ZNF804A: variants seen among roughly 807,000 people sequenced by gnomAD.
The protein encoded by ZNF804A is zinc finger protein 804A.
A neutral mutation model predicts 16.5 loss-of-function variants in ZNF804A; 2 were observed. The ratio of observed to expected loss-of-function variants is 0.12; its 90% CI spans 0.05 to 0.38. The LOEUF is 0.38. Ranked by LOEUF, ZNF804A falls within the 10% of genes least tolerant of loss-of-function variation. ZNF804A has a pLI of 0.99. For missense variants in ZNF804A, 1,473 were observed against 1,390.7 expected (o/e 1.06, Z -0.94); for synonymous variants, 534 against 489.6 (o/e 1.09, Z -1.20).
intron 2 of ZNF804A, among the ~76,000 whole-genome samples, chr2:184,915,348 G>A (rs1012686823): frequency 6.6e-6 from 1 of 152,056 alleles, no homozygotes; most frequent in Non-Finnish European, 1.5e-5. Flanking sequence ...TAGCTGCAAG[G>A]TATATCTATA....
At chr2:184,798,262 T>C in intron 1 of ZNF804A, among the ~76,000 whole-genome samples, 1 of 151,912 alleles carries the variant, frequency 6.6e-6, no homozygotes, top group Non-Finnish European at 1.5e-5. Context: ...TCTTTGTGCT[T>C]TTTTTTATTT....
At chr2:184,702,795 G>A (rs534861130) in intron 1 of ZNF804A, among the ~76,000 whole-genome samples, 2 of 152,112 alleles carry the variant, frequency 1.3e-5, no homozygotes, top group African/African-American at 4.8e-5. Flanking sequence ...ATGGAGTCAC[G>A]TTTACATAGG....
chr2:184,933,553 C>T (rs1685738610), intron 2 of ZNF804A, 50 bp from the exon 3 acceptor site: 1 of 1,529,394 alleles, frequency 6.5e-7, no homozygotes, highest in Non-Finnish European at 8.7e-7. Context: ...AACTTTAAAA[C>T]TACTATAGAC....
intron 1 of ZNF804A, among the ~76,000 whole-genome samples, chr2:184,680,891 A>C (rs549511102): frequency 6.6e-6 from 1 of 152,322 alleles, no homozygotes; most frequent in Middle Eastern, 3.4e-3. Flanking sequence ...GGGGCTCTGC[A>C]GTTGCTGGCA....
chr2:184,641,331 T>C (rs1422293844), intron 1 of ZNF804A, among the ~76,000 whole-genome samples: 1 of 152,078 alleles, frequency 6.6e-6, no homozygotes, highest in African/African-American at 2.4e-5. Context: ...TCCCAAAACA[T>C]TATGCTGAAC....
intron 1 of ZNF804A, among the ~76,000 whole-genome samples, chr2:184,733,795 G>C (rs549604862): frequency 6.6e-6 from 1 of 152,128 alleles, no homozygotes; most frequent in South Asian, 2.1e-4. Context: ...TATCAAACTT[G>C]TGGACATAAA....
At chr2:184,919,382 A>G (rs1022067660) in intron 2 of ZNF804A, among the ~76,000 whole-genome samples, 2 of 152,132 alleles carry the variant, frequency 1.3e-5, no homozygotes, top group Non-Finnish European at 2.9e-5. Flanking sequence ...AGCCAGGTCA[A>G]CCTTGGTGAG....
At chr2:184,908,703 A>G (rs1386106145) in intron 2 of ZNF804A, among the ~76,000 whole-genome samples, 3 of 152,144 alleles carry the variant, frequency 2.0e-5, no homozygotes, top group Non-Finnish European at 2.9e-5. Context: ...TAAAAGATGA[A>G]ACAGTATATA....
intron 1 of ZNF804A, among the ~76,000 whole-genome samples, chr2:184,847,826 T>G (rs1188852203): frequency 6.6e-6 from 1 of 152,008 alleles, no homozygotes; most frequent in African/African-American, 2.4e-5. Context: ...TTTTCAAAAA[T>G]GACTCAGAGA....
At chr2:184,699,525 A>G (rs1692887009) in intron 1 of ZNF804A, among the ~76,000 whole-genome samples, 1 of 152,074 alleles carries the variant, frequency 6.6e-6, no homozygotes, top group Non-Finnish European at 1.5e-5. Context: ...TCAGGACTTG[A>G]GCCAGCTTTC....
intron 1 of ZNF804A, among the ~76,000 whole-genome samples, chr2:184,772,120 A>G (rs1159903785): frequency 6.6e-6 from 1 of 151,918 alleles, no homozygotes; most frequent in African/African-American, 2.4e-5. Context: ...ATAAACATAA[A>G]TATAAGATAC....
chr2:184,863,702 C>T (rs1695833674), intron 1 of ZNF804A, among the ~76,000 whole-genome samples: 1 of 152,112 alleles, frequency 6.6e-6, no homozygotes, highest in Non-Finnish European at 1.5e-5. Context: ...AGAGCTAATT[C>T]AGCTTTAATC....
chr2:184,779,133 T>G (rs1399060010), intron 1 of ZNF804A, among the ~76,000 whole-genome samples: 2 of 151,622 alleles, frequency 1.3e-5, no homozygotes, highest in Non-Finnish European at 2.9e-5. Flanking sequence ...AAAATACTCT[T>G]GTGGTTCTGA....
At chr2:184,915,835 T>C (rs189381538) in intron 2 of ZNF804A, among the ~76,000 whole-genome samples, 1 of 152,246 alleles carries the variant, frequency 6.6e-6, no homozygotes, top group East Asian at 1.9e-4. Flanking sequence ...AAAATCCAAA[T>C]GATACACATT....
chr2:184,664,253 G>A (rs942934246), intron 1 of ZNF804A, among the ~76,000 whole-genome samples: 1 of 151,996 alleles, frequency 6.6e-6, no homozygotes, highest in Non-Finnish European at 1.5e-5. Context: ...AAATAAATAA[G>A]CACTGGAACA....
rs77317976 is a variant in ZNF804A, at chr2:184,744,633, C to A, written c.112-121736C>A. Reference sequence around the variant, plus strand: ...GGAATTTCTTTGTTTTTTAAGCCACCCATTTTATAGTGTTTTGTTATAGCA... The same window carrying A: ...GGAATTTCTTTGTTTTTTAAGCCACACATTTTATAGTGTTTTGTTATAGCA... On this transcript the variant is annotated intron_variant, in intron 1 of 3. Transcript: ENST00000302277. 7.4e-3 allele frequency among the ~76,000 whole-genome samples: 1,124 copies of A among 151,856 alleles called. 19 individuals carry two copies. The highest frequency in any genetic ancestry group is 0.026 in the African/African-American group (1,067 of 41,462).
intron 2 of ZNF804A, among the ~76,000 whole-genome samples, chr2:184,919,854 G>A (rs1685502450): frequency 1.3e-5 from 2 of 152,166 alleles, no homozygotes; most frequent in Admixed American, 1.3e-4. Flanking sequence ...GGTGGCTTAT[G>A]CCTGTAATCC....
At chr2:184,622,734 T>A (rs914869929) in intron 1 of ZNF804A, among the ~76,000 whole-genome samples, 58 of 151,948 alleles carry the variant, frequency 3.8e-4, no homozygotes, top group Non-Finnish European at 4.4e-5. Flanking sequence ...TTGTATAAGA[T>A]GTGTGTATGC....
chr2:184,643,762 A>G (rs1189266512), intron 1 of ZNF804A, among the ~76,000 whole-genome samples: 3 of 151,388 alleles, frequency 2.0e-5, no homozygotes, highest in Non-Finnish European at 4.4e-5. Context: ...ATATATATAT[A>G]CATATCAATA....
Sources: allele counts gnomAD v4.1 joint callset (sites outside exome capture counted in the v4.1 genomes callset), GRCh38; gene constraint gnomAD v4.1.1; transcripts MANE v1.5; gene names NCBI Gene and HGNC (gene_info 2026-07-23, HGNC 2026-07-21).